MDM4: variants seen among roughly 807,000 people sequenced by gnomAD.
MDM4 encodes the protein MDM4 regulator of p53, also known as protein Mdm4.
In MDM4, 2 loss-of-function variants were observed where a neutral mutation model predicts 60.2. The observed-to-expected ratio is 0.03, with a 90% confidence interval of 0.01 to 0.10. The LOEUF is 0.10. Among genes scored for constraint, MDM4 ranks in the 10% least tolerant of loss-of-function variants. The probability of loss-of-function intolerance (pLI) is 1.00; values close to 1 mark genes in which losing one functional copy is unlikely to be tolerated. For missense variants in MDM4, 447 were observed against 577.5 expected, an observed-to-expected ratio of 0.77 and a Z score of 2.32; for synonymous variants, 202 against 198.1, an observed-to-expected ratio of 1.02 and a Z score of -0.17.
chr1:204,541,699 A>T (rs1457499635), intron 7 of MDM4, among the ~76,000 whole-genome samples: 1 of 152,214 alleles, frequency 6.6e-6, no homozygotes, highest in African/African-American at 2.4e-5. Flanking sequence ...ATATGGCACC[A>T]TTTCAAGAAT....
chr1:204,552,869 TTTC>T lies in MDM4; in HGVS notation c.*3190_*3192del, dbSNP rs1379432248. Reference sequence around the variant, plus strand: ...GGAAACTTTAAACTATTTCTTTTCTTTTCTTTTTTTTTTTTTTTTACTTGAGAT... The same window carrying T: ...GGAAACTTTAAACTATTTCTTTTCTTTTTTTTTTTTTTTTTTACTTGAGAT... On this transcript the variant is annotated 3_prime_UTR_variant, in exon 11 of 11. Transcript: ENST00000367182. 4 of 112,980 alleles carry T rather than the reference TTTC, an allele frequency of 3.5e-5. No individual in the cohort carries two copies. Among genetic ancestry groups the T allele is most frequent in the East Asian group, 1.3e-4 (1 of 7,444 alleles). 7.0% of individuals were successfully genotyped at this position (112,980 alleles called of 1,614,324 possible).
intron 3 of MDM4, chr1:204,529,175 C>G (rs1027083758): frequency 2.4e-6 from 2 of 841,140 alleles, no homozygotes; most frequent in East Asian, 2.5e-5. Context: ...GCTGAGAAGC[C>G]GTAGACATTT....
Position 204,555,198 on chromosome 1 carries a change from C to T in MDM4, c.*5516C>T, listed in dbSNP as rs967534827. The T allele has an allele frequency of 5.6e-5, 10 of 177,958 alleles. No homozygotes were observed. Among genetic ancestry groups the T allele is most frequent in the South Asian group, 2.0e-4 (1 of 4,994 alleles). 11.0% of individuals were successfully genotyped at this position (177,958 alleles called of 1,614,324 possible). On this transcript the variant is annotated 3_prime_UTR_variant, in exon 11 of 11. Transcript: ENST00000367182. ...TAGACGGAGTCTCTCTCTGTCGCCC[C>T]GGCTGGAGTGCAGTGGCGCGATCTC... is the stretch of plus-strand genomic sequence containing the variant.
In MDM4 at chr1:204,530,657, C is replaced by G. The variant is rs187201991; in HGVS notation, c.154-27C>G. Reference sequence around the variant, plus strand: ...TGTTTTTGGTAGCAGCTGGACAGATCACAACATGGTATTTTATTCCATGCA... The same window carrying G: ...TGTTTTTGGTAGCAGCTGGACAGATGACAACATGGTATTTTATTCCATGCA... On this transcript the variant is annotated intron_variant, in intron 3 of 10. Transcript: ENST00000367182. 3.2e-5 allele frequency: 52 copies of G among 1,613,810 alleles called. No homozygotes were observed. In the East Asian group the frequency reaches 6.0e-4, roughly 19 times the overall value.
At chr1:204,539,757 A>G (rs1000164212) in intron 7 of MDM4, among the ~76,000 whole-genome samples, 9 of 151,186 alleles carry the variant, frequency 6.0e-5, no homozygotes, top group Admixed American at 2.0e-4. Context: ...GGATGGGTTG[A>G]TGTCATGACC....
At chr1:204,521,183 A>G (rs11586387) in intron 1 of MDM4, among the ~76,000 whole-genome samples, 2 of 152,212 alleles carry the variant, frequency 1.3e-5, no homozygotes, top group African/African-American at 4.8e-5. Flanking sequence ...TGCCTGGTAC[A>G]TAATAGGCTT....
intron 8 of MDM4, among the ~76,000 whole-genome samples, chr1:204,544,130 A>G (rs1662407121): frequency 6.6e-6 from 1 of 152,216 alleles, no homozygotes; most frequent in African/African-American, 2.4e-5. Context: ...TTTAATAAAC[A>G]TCCTTGACCA....
chr1:204,534,728 G>C (rs1558322217), intron 5 of MDM4, among the ~76,000 whole-genome samples: 1 of 152,152 alleles, frequency 6.6e-6, no homozygotes, highest in Non-Finnish European at 1.5e-5. Flanking sequence ...CAGGACTCAA[G>C]CGATCCCCCT....
intron 1 of MDM4, among the ~76,000 whole-genome samples, chr1:204,516,721 T>G (rs1572434656): frequency 6.6e-6 from 1 of 151,104 alleles, no homozygotes; most frequent in African/African-American, 2.4e-5. Context: ...AAAGTGGAGG[T>G]GGGGTGACGT....
chr1:204,541,564 A>C (rs1010022289), intron 7 of MDM4, among the ~76,000 whole-genome samples: 2 of 152,220 alleles, frequency 1.3e-5, no homozygotes, highest in African/African-American at 4.8e-5. Flanking sequence ...AAAATTTGGG[A>C]ATAAATAATA....
Position 204,549,753 on chromosome 1 carries a change from T to A in MDM4, c.*71T>A. The A allele has an allele frequency of 1.0e-6, 1 of 993,918 alleles. No individual in the cohort carries two copies. The highest frequency in any genetic ancestry group is 1.5e-6 in the Non-Finnish European group (1 of 689,326). 61.6% of individuals were successfully genotyped at this position (993,918 alleles called of 1,614,324 possible). On this transcript the variant is annotated 3_prime_UTR_variant, in exon 11 of 11. Transcript: ENST00000367182. The stretch of plus-strand genomic sequence containing the variant: ...ATTATTTGAAAATCAATCCTTTATT[T>A]AATTTTATTTCCAACCTGTCAGAGA...
rs1162763833 is a variant in MDM4, at chr1:204,555,292, C to CTA, written c.*5613_*5614dup. 6 of 168,616 alleles carry CTA rather than the reference C, an allele frequency of 3.6e-5. No individual in the cohort carries two copies. Among genetic ancestry groups the CTA allele is most frequent in the Admixed American group, 1.3e-4 (2 of 15,604 alleles). 10.4% of individuals were successfully genotyped at this position (168,616 alleles called of 1,614,324 possible). On this transcript the variant is annotated 3_prime_UTR_variant, in exon 11 of 11. Coordinates refer to ENST00000367182, the MANE Select transcript of MDM4 (RefSeq NM_002393.5). The stretch of plus-strand genomic sequence containing the variant: ...GCCTCAGCCTCCCTAGTAGCTGGGA[C>CTA]TATAGGCGCCCGCCACCACGCCTGG...
rs1405384032 is a variant in MDM4, at chr1:204,552,852, T to C, written c.*3170T>C. 1.1e-5 allele frequency: 2 copies of C among 174,486 alleles called. No homozygotes were observed. Among genetic ancestry groups the C allele is most frequent in the Non-Finnish European group, 2.4e-5 (2 of 81,914 alleles). 10.8% of individuals were successfully genotyped at this position (174,486 alleles called of 1,614,324 possible). ...TTTCATCTTTACTTGTAGGAAACTTTAAACTATTTCTTTTCTTTTCTTTTT... is the reference window on the plus strand; with the variant it reads ...TTTCATCTTTACTTGTAGGAAACTTCAAACTATTTCTTTTCTTTTCTTTTT... On this transcript the variant is annotated 3_prime_UTR_variant, in exon 11 of 11. Coordinates refer to ENST00000367182, the MANE Select transcript of MDM4 (RefSeq NM_002393.5).
At position 204,525,609 on chromosome 1, in the gene MDM4, C is replaced by T. The variant is rs765786119; in HGVS notation, c.78+13C>T. 103 of 1,497,324 alleles carry T rather than the reference C, an allele frequency of 6.9e-5. 1 individual carries two copies. The highest frequency in any genetic ancestry group is 9.2e-5 in the East Asian group (4 of 43,542). The allele number at this position is 1,497,324 out of a possible 1,614,324, so 92.8% of individuals were successfully genotyped here. On this transcript the variant is annotated intron_variant, in intron 2 of 10. Transcript: ENST00000367182. ...ACAAATCAATCAGGTAAATCATTTTCGGTATTTCTAGTTTTTTGGTTTTTT... is the reference window on the plus strand; with the variant it reads ...ACAAATCAATCAGGTAAATCATTTTTGGTATTTCTAGTTTTTTGGTTTTTT...
intron 3 of MDM4, among the ~76,000 whole-genome samples, chr1:204,528,445 T>C (rs1660467210): frequency 6.6e-6 from 1 of 152,194 alleles, no homozygotes; most frequent in South Asian, 2.1e-4. Flanking sequence ...CAGGATGGCC[T>C]GGTGAGGGAA....
chr1:204,517,061 T>C (rs763412396), intron 1 of MDM4, among the ~76,000 whole-genome samples: 14 of 151,996 alleles, frequency 9.2e-5, no homozygotes, highest in Non-Finnish European at 1.3e-4. Context: ...GCCAACCTGG[T>C]GAAACCCCGT....
intron 5 of MDM4, among the ~76,000 whole-genome samples, chr1:204,533,764 TTTCTTTCTTTTCTTTTTC>T (rs1456529887): frequency 6.8e-6 from 1 of 146,274 alleles, no homozygotes; most frequent in Admixed American, 7.1e-5. Context: ...TATCTTTTTC[TTTCTTTCTTTTCTTTTTC>T]TTTTTTTTTT....
Position 204,556,334 on chromosome 1 carries a change from G to A in MDM4, c.*6652G>A, listed in dbSNP as rs1288243687. 1.3e-5 allele frequency: 3 copies of A among 226,408 alleles called. No individual in the cohort carries two copies. Among genetic ancestry groups the A allele is most frequent in the Admixed American group, 5.7e-5 (1 of 17,548 alleles). The allele number at this position is 226,408 out of a possible 1,614,324, so 14.0% of individuals were successfully genotyped here. A position where few individuals can be genotyped will look rare whatever the true frequency, so the allele number is the denominator to read the frequency against. On this transcript the variant is annotated 3_prime_UTR_variant, in exon 11 of 11. Coordinates refer to ENST00000367182, the MANE Select transcript of MDM4 (RefSeq NM_002393.5). Reference sequence around the variant, plus strand: ...CTACTATCTAATAAAGTAACAACTCGTAGTTGAGGCTTCCTTTCTGTGTGT... The same window carrying A: ...CTACTATCTAATAAAGTAACAACTCATAGTTGAGGCTTCCTTTCTGTGTGT...
At chr1:204,537,827 C>G (rs370585139) in intron 6 of MDM4, 1 of 649,994 alleles carries the variant, frequency 1.5e-6, no homozygotes, top group Non-Finnish European at 2.9e-6. Flanking sequence ...AAGTTCATGT[C>G]AGGCCATTTC....
Sources: gnomAD v4.1 joint callset for allele counts (sites outside exome capture counted in the v4.1 genomes callset) on GRCh38, gnomAD v4.1.1 for gene constraint, MANE v1.5 for transcripts, NCBI Gene and HGNC (gene_info 2026-07-23, HGNC 2026-07-21) for gene names.